The following PTPRD variants were observed in gnomAD, a reference collection of about 807,000 sequenced individuals.
PTPRD encodes receptor-type tyrosine-protein phosphatase delta.
PTPRD carries 34 observed loss-of-function variants against 214.5 expected under a neutral mutation model. That is an observed-to-expected ratio of 0.16 (90% CI 0.12 to 0.21). PTPRD has a LOEUF of 0.21. PTPRD is among the 10% of genes least tolerant of loss of function. The probability of loss-of-function intolerance (pLI) is 1.00; values close to 1 mark genes in which losing one functional copy is unlikely to be tolerated. For synonymous variants in PTPRD, 1,128 were observed against 845.7 expected (o/e 1.33, Z -5.79); for missense variants, 2,545 against 2,398.7 (o/e 1.06, Z -1.27).
intron 10 of PTPRD, among the ~76,000 whole-genome samples, chr9:9,040,897 A>T (rs1022023041): frequency 6.6e-6 from 1 of 152,174 alleles, no homozygotes; most frequent in African/African-American, 2.4e-5. Flanking sequence ...GTGCTAAAGA[A>T]GAAATTCCCC....
At chr9:9,719,060 T>C (rs373070560) in intron 7 of PTPRD, among the ~76,000 whole-genome samples, 3 of 152,182 alleles carry the variant, frequency 2.0e-5, no homozygotes, top group South Asian at 4.1e-4. Flanking sequence ...TGATGTCTTA[T>C]GGCCAGTTGA....
At chr9:9,462,784 T>A (rs2093777594) in intron 8 of PTPRD, among the ~76,000 whole-genome samples, 1 of 152,174 alleles carries the variant, frequency 6.6e-6, no homozygotes, top group East Asian at 1.9e-4. Flanking sequence ...ACATGGCAGA[T>A]GATCAATAGA....
intron 11 of PTPRD, among the ~76,000 whole-genome samples, chr9:8,822,011 A>G (rs941952264): frequency 1.3e-5 from 2 of 152,200 alleles, no homozygotes; most frequent in African/African-American, 2.4e-5. Context: ...TTCTGTGATC[A>G]TAGACAGTTA....
intron 34 of PTPRD, among the ~76,000 whole-genome samples, chr9:8,448,520 A>G (rs984254874): frequency 6.6e-6 from 1 of 152,202 alleles, no homozygotes; most frequent in African/African-American, 2.4e-5. Flanking sequence ...GCTACGACCT[A>G]TCCTGGAAGA....
intron 26 of PTPRD, among the ~76,000 whole-genome samples, chr9:8,494,602 G>A (rs150641681): frequency 1.3e-5 from 2 of 152,322 alleles, no homozygotes; most frequent in East Asian, 3.9e-4. Context: ...GGAAAAAGCA[G>A]CAAGGCTTGC....
rs535362639 is a variant in PTPRD at position 10,428,403 on chromosome 9, T to G, written c.-599-87386A>C. Among the ~76,000 whole-genome samples, 16 of 152,006 alleles carry G rather than the reference T, an allele frequency of 1.1e-4. No homozygotes were observed. In the East Asian group the frequency reaches 3.1e-3, roughly 30 times the overall value. On this transcript the variant is annotated intron_variant, in intron 2 of 45. Coordinates refer to ENST00000381196, the MANE Select transcript of PTPRD (RefSeq NM_002839.4). ...AACAGATCTACCTTTAAATACCAAC[T>G]GTTTAAAATTAATAAGCTATAAATT...
At chr9:8,760,356 G>C (rs760278989) in intron 11 of PTPRD, among the ~76,000 whole-genome samples, 1 of 151,970 alleles carries the variant, frequency 6.6e-6, no homozygotes, top group Non-Finnish European at 1.5e-5. Flanking sequence ...TTCATGTTTG[G>C]AGTTTTGTTT....
rs866372287 is a variant in PTPRD, at chr9:8,660,350, T to C, written c.65-23506A>G. ...TATTATTTGTTTTCCTTTTCCGCTT[T>C]TGATTCTGTGTGGCTCCGTTCGTAA... On this transcript the variant is annotated intron_variant, in intron 12 of 45. Transcript: ENST00000381196. 1.4e-4 allele frequency among the ~76,000 whole-genome samples: 21 copies of C among 152,192 alleles called. 1 individual carries two copies. The highest frequency in any genetic ancestry group is 3.6e-4 in the African/African-American group (15 of 41,416).
At chr9:9,860,575 T>C (rs1387645040) in intron 5 of PTPRD, among the ~76,000 whole-genome samples, 1 of 152,214 alleles carries the variant, frequency 6.6e-6, no homozygotes, top group Non-Finnish European at 1.5e-5. Context: ...GATTGCCTTA[T>C]GCCTAGCTTG....
At chr9:8,555,557 C>A (rs918341794) in intron 14 of PTPRD, among the ~76,000 whole-genome samples, 3 of 152,204 alleles carry the variant, frequency 2.0e-5, no homozygotes, top group Non-Finnish European at 4.4e-5. Context: ...ATCCAAGTTT[C>A]TCAGAGGAAC....
At chr9:9,134,885 T>G (rs1447280105) in intron 10 of PTPRD, among the ~76,000 whole-genome samples, 1 of 152,082 alleles carries the variant, frequency 6.6e-6, no homozygotes, top group East Asian at 1.9e-4. Context: ...GTTCAATAAT[T>G]TTAGAAATGG....
At chr9:9,573,559 A>G (rs546098636) in intron 8 of PTPRD, among the ~76,000 whole-genome samples, 82 of 151,930 alleles carry the variant, frequency 5.4e-4, no homozygotes, top group African/African-American at 1.9e-3. Context: ...AGTAATTTTT[A>G]GAATACTTTT....
intron 11 of PTPRD, among the ~76,000 whole-genome samples, chr9:8,781,794 C>G (rs1452151345): frequency 6.6e-6 from 1 of 152,134 alleles, no homozygotes; most frequent in Non-Finnish European, 1.5e-5. Context: ...TTTCCCAAAA[C>G]AAGTTTAGTG....
In PTPRD at chr9:10,235,003, GAT is replaced by G. The variant is rs146414523; in HGVS notation, c.-545+105958_-545+105959del. On this transcript the variant is annotated intron_variant, in intron 3 of 45. Transcript: ENST00000381196. Reference sequence around the variant, plus strand: ...TATTATGTGTGTGTTTATATATAAGGATATATATATATAAACACTTAGCCTTA... The same window carrying G: ...TATTATGTGTGTGTTTATATATAAGGATATATATATAAACACTTAGCCTTA... Among the ~76,000 whole-genome samples the G allele has an allele frequency of 8.4e-3, 1,261 of 150,814 alleles. 19 individuals are homozygous for G. Among genetic ancestry groups the G allele is most frequent in the Middle Eastern group, 0.049 (14 of 288 alleles).
chr9:8,570,041 A>C (rs1283894903), intron 14 of PTPRD, among the ~76,000 whole-genome samples: 2 of 152,136 alleles, frequency 1.3e-5, no homozygotes, highest in African/African-American at 4.8e-5. Flanking sequence ...ATAAGTAGAT[A>C]TCAGCCACCA....
chr9:8,990,870 C>T (rs1189981923), intron 11 of PTPRD, among the ~76,000 whole-genome samples: 1 of 151,912 alleles, frequency 6.6e-6, no homozygotes, highest in Non-Finnish European at 1.5e-5. Flanking sequence ...CTCTTTTGGT[C>T]CAAGCACATT....
chr9:9,249,850 T>C (rs1338938612), intron 9 of PTPRD, among the ~76,000 whole-genome samples: 1 of 152,100 alleles, frequency 6.6e-6, no homozygotes, highest in Non-Finnish European at 1.5e-5. Flanking sequence ...AAGGATTAAA[T>C]ATTCTTTCAG....
chr9:9,936,816 G>C (rs2089634788), intron 5 of PTPRD, among the ~76,000 whole-genome samples: 2 of 141,292 alleles, frequency 1.4e-5, no homozygotes, highest in East Asian at 4.4e-4. Flanking sequence ...CAAAGACTTG[G>C]AACCAACCCA....
intron 3 of PTPRD, among the ~76,000 whole-genome samples, chr9:10,326,863 A>T (rs1284011216): frequency 6.6e-6 from 1 of 151,482 alleles, no homozygotes; most frequent in Non-Finnish European, 1.5e-5. Context: ...TGAGATATCA[A>T]TAAGACAAGC....
Sources: gnomAD v4.1 joint callset for allele counts (sites outside exome capture counted in the v4.1 genomes callset) on GRCh38, gnomAD v4.1.1 for gene constraint, MANE v1.5 for transcripts, NCBI Gene and HGNC (gene_info 2026-07-23, HGNC 2026-07-21) for gene names.